Variants in ROBO2 observed in about 807,000 individuals in gnomAD.
The protein encoded by ROBO2 is roundabout guidance receptor 2, also known as roundabout homolog 2.
In ROBO2, 53 loss-of-function variants were observed where a neutral mutation model predicts 160.8. The observed-to-expected ratio is 0.33, with a 90% CI of 0.26 to 0.41. The LOEUF (loss-of-function observed/expected upper bound fraction) is 0.41. Ranked by LOEUF, ROBO2 falls within the 10% of genes least tolerant of loss-of-function variation. ROBO2 has a pLI of 1.00. For synonymous variants in ROBO2, 664 were observed against 611.7 expected (o/e 1.09, Z -1.26); for missense variants, 1,577 against 1,722.4 (o/e 0.92, Z 1.49).
intron 2 of ROBO2, among the ~76,000 whole-genome samples, chr3:77,282,449 GTTCTAC>G (rs1005206032): frequency 1.3e-5 from 2 of 151,750 alleles, no homozygotes; most frequent in Non-Finnish European, 2.9e-5. Flanking sequence ...TCCTTTAGAG[GTTCTAC>G]TTTTTGGTCT....
intron 2 of ROBO2, among the ~76,000 whole-genome samples, chr3:77,450,119 A>G (rs1467307350): frequency 3.9e-5 from 6 of 152,060 alleles, no homozygotes; most frequent in Non-Finnish European, 8.8e-5. Flanking sequence ...ATTTTTAGAT[A>G]CTCTCTAGAC....
At chr3:76,864,157 A>C (rs903536953) in intron 2 of ROBO2, among the ~76,000 whole-genome samples, 3 of 152,058 alleles carry the variant, frequency 2.0e-5, no homozygotes, top group African/African-American at 7.2e-5. Context: ...AAAATTATAA[A>C]TGCTTAAAAT....
intron 2 of ROBO2, among the ~76,000 whole-genome samples, chr3:77,231,877 A>G (rs548304637): frequency 2.6e-5 from 4 of 152,290 alleles, no homozygotes; most frequent in African/African-American, 7.2e-5. Flanking sequence ...TTGAGGCTCT[A>G]CTGAAACCAC....
At chr3:76,157,658 T>A (rs1302441726) in intron 2 of ROBO2, among the ~76,000 whole-genome samples, 2 of 152,160 alleles carry the variant, frequency 1.3e-5, no homozygotes, top group Non-Finnish European at 2.9e-5. Context: ...TTCATTTTGA[T>A]ATCTGCCTTT....
intron 2 of ROBO2, among the ~76,000 whole-genome samples, chr3:76,288,055 AT>A (rs988310548): frequency 6.6e-6 from 1 of 152,142 alleles, no homozygotes; most frequent in Non-Finnish European, 1.5e-5. Flanking sequence ...ATGTGAGATT[AT>A]TTTTTTCTAA....
chr3:76,847,922 A>C lies in ROBO2; in HGVS notation c.110-250092A>C, dbSNP rs552570793. Among the ~76,000 whole-genome samples, 8 of 152,226 alleles carry C rather than the reference A, an allele frequency of 5.3e-5. No individual in the cohort carries two copies. In the South Asian group the frequency reaches 1.2e-3, roughly 24 times the overall value. ...TTCCTTTACTAATGACATTAAGAAGAGATGACGAGATATATTTATAATTAT... is the reference window on the plus strand; with the variant it reads ...TTCCTTTACTAATGACATTAAGAAGCGATGACGAGATATATTTATAATTAT... On this transcript the variant is annotated intron_variant, in intron 2 of 26. Coordinates refer to the ROBO2 transcript ENST00000487694.
chr3:77,509,459 A>G (rs550334106), intron 5 of ROBO2, among the ~76,000 whole-genome samples: 1 of 152,170 alleles, frequency 6.6e-6, no homozygotes, highest in South Asian at 2.1e-4. Context: ...TCTACCTCGA[A>G]CTAGAGGTTA....
chr3:77,437,087 A>C (rs1203552699), intron 2 of ROBO2, among the ~76,000 whole-genome samples: 1 of 152,038 alleles, frequency 6.6e-6, no homozygotes, highest in Non-Finnish European at 1.5e-5. Context: ...TACCTTGCAT[A>C]GTCCACATCT....
chr3:76,067,067 C>A (rs562191445), intron 2 of ROBO2, among the ~76,000 whole-genome samples: 1 of 152,246 alleles, frequency 6.6e-6, no homozygotes, highest in African/African-American at 2.4e-5. Flanking sequence ...GGTTGTATGG[C>A]TGACCTAGGA....
At chr3:76,428,763 T>C (rs1226724250) in intron 2 of ROBO2, among the ~76,000 whole-genome samples, 2 of 152,188 alleles carry the variant, frequency 1.3e-5, no homozygotes, top group African/African-American at 4.8e-5. Flanking sequence ...TTGAGATTAA[T>C]ATTCTTTTGA....
At chr3:76,265,704 ACT>A (rs1707058580) in intron 2 of ROBO2, among the ~76,000 whole-genome samples, 2 of 152,162 alleles carry the variant, frequency 1.3e-5, no homozygotes, top group Admixed American at 6.6e-5. Context: ...GAAAATGAAG[ACT>A]CTGAGCTCAC....
At chr3:75,974,268 TA>T (rs1054137042) in intron 2 of ROBO2, among the ~76,000 whole-genome samples, 3 of 151,568 alleles carry the variant, frequency 2.0e-5, no homozygotes, top group African/African-American at 7.3e-5. Flanking sequence ...TAAAATATAG[TA>T]GGCAAAAAAT....
chr3:76,290,084 C>T (rs909915397), intron 2 of ROBO2, among the ~76,000 whole-genome samples: 3 of 152,060 alleles, frequency 2.0e-5, no homozygotes, highest in African/African-American at 7.2e-5. Context: ...TGGCTTTGGG[C>T]AATGTGGCCA....
intron 2 of ROBO2, among the ~76,000 whole-genome samples, chr3:77,386,603 A>ATTTTTTTTTTTTTTTTTGTTTTTTTT (rs2074133261): frequency 1.1e-5 from 1 of 91,896 alleles, no homozygotes; most frequent in African/African-American, 3.7e-5. Flanking sequence ...CAGCCAGGTA[A>ATTTTTTTTTTTTTTTTTGTTTTTTTT]TTTTTTTTTT....
At position 77,254,693 on chromosome 3, in the gene ROBO2, C is replaced by T. The variant is rs548408883; in HGVS notation, c.388+156353C>T. Among the ~76,000 whole-genome samples the T allele has an allele frequency of 4.6e-5, 7 of 152,184 alleles. No homozygotes were observed. The South Asian group carries it at 6.2e-4, about 14-fold the overall frequency. ...GTCAAACAAGATTGAGAAGTTAAAG[C>T]GATTCTGATATCACATTTGTTAAAG... On this transcript the variant is annotated intron_variant, in intron 2 of 25. Transcript: ENST00000461745.
At chr3:77,213,944 C>T (rs550690697) in intron 2 of ROBO2, among the ~76,000 whole-genome samples, 3 of 152,020 alleles carry the variant, frequency 2.0e-5, no homozygotes, top group Non-Finnish European at 2.9e-5. Flanking sequence ...GTCTGAGAGA[C>T]AGTTTGTTAT....
chr3:76,778,747 A>T (rs2062439315), intron 2 of ROBO2, among the ~76,000 whole-genome samples: 1 of 151,086 alleles, frequency 6.6e-6, no homozygotes, highest in African/African-American at 2.4e-5. Context: ...TTAATTCAAT[A>T]AATAGCACAA....
chr3:75,911,072 A>G (rs1290676037), intron 1 of ROBO2, among the ~76,000 whole-genome samples: 1 of 152,078 alleles, frequency 6.6e-6, no homozygotes, highest in Non-Finnish European at 1.5e-5. Flanking sequence ...TAGTTTTTTA[A>G]AATTCTAAAT....
intron 5 of ROBO2, among the ~76,000 whole-genome samples, chr3:77,494,588 C>G (rs1042026685): frequency 5.3e-5 from 8 of 152,000 alleles, no homozygotes; most frequent in Admixed American, 1.3e-4. Context: ...AAAGAAAAAA[C>G]AAAAAACAAA....
Sources: gnomAD v4.1 joint callset for allele counts (sites outside exome capture counted in the v4.1 genomes callset) on GRCh38, gnomAD v4.1.1 for gene constraint, MANE v1.5 for transcripts, NCBI Gene and HGNC (gene_info 2026-07-23, HGNC 2026-07-21) for gene names.